ATP10A: variants seen among roughly 807,000 people sequenced by gnomAD.
The protein encoded by ATP10A is phospholipid-transporting ATPase VA.
In ATP10A, 111 loss-of-function variants were observed where a neutral mutation model predicts 147.8. The observed-to-expected ratio is 0.75, with a 90% CI of 0.64 to 0.88. The LOEUF (loss-of-function observed/expected upper bound fraction) is 0.88, where lower values mean the gene tolerates loss of function less well. Ranked by LOEUF, ATP10A falls within the 40% of genes least tolerant of loss-of-function variation. The pLI, the probability that ATP10A is intolerant of heterozygous loss-of-function variation, is 0.00. For missense variants in ATP10A, 1,927 were observed against 1,959.0 expected (o/e 0.98, Z 0.31); for synonymous variants, 875 against 841.6 (o/e 1.04, Z -0.69).
chr15:25,780,076 C>T (rs1349088408), intron 2 of ATP10A, among the ~76,000 whole-genome samples: 1 of 152,222 alleles, frequency 6.6e-6, no homozygotes, highest in East Asian at 1.9e-4. Context: ...CACAACCCTG[C>T]CCAGCCAATC....
In ATP10A at chr15:25,789,022, A is replaced by T. The variant is rs79254748; in HGVS notation, c.450-7799T>A. Among the ~76,000 whole-genome samples the T allele has an allele frequency of 6.3e-3, 952 of 152,230 alleles. 15 individuals are homozygous for T. The highest frequency in any genetic ancestry group is 0.03 in the East Asian group (153 of 5,180). On this transcript the variant is annotated intron_variant, in intron 1 of 20. Coordinates refer to ENST00000555815, the MANE Select transcript of ATP10A (RefSeq NM_024490.4). ...ATTCAGGCTGCAGTACAGGGCTGTG[A>T]TGATAGCTCACTGCAGCCTCCAACT...
At chr15:25,676,399 G>C (rs542825316), downstream of ATP10A, among the ~76,000 whole-genome samples, 40 of 152,332 alleles carry the variant, frequency 2.6e-4, no homozygotes, top group African/African-American at 9.4e-4. Context: ...CAGGGGAGAA[G>C]CTCTGCTTGT....
chr15:25,835,411 G>A (rs1284243213), intron 1 of ATP10A, among the ~76,000 whole-genome samples: 1 of 152,170 alleles, frequency 6.6e-6, no homozygotes, highest in Non-Finnish European at 1.5e-5. Flanking sequence ...CGTGAAGTGG[G>A]TCTCAATAAA....
chr15:25,708,088 T>G lies in ATP10A; in HGVS notation c.2463A>C (p.Glu821Asp). The part of the protein sequence containing the change: ...LCIAKRVLSK[E>D]EYACWLQSHL... ...GGCTTTGCAACCAGCAGGCATACTCTTCTTTACTCAGAACCTATGGGAGAT... is the reference window on the plus strand; with the variant it reads ...GGCTTTGCAACCAGCAGGCATACTCGTCTTTACTCAGAACCTATGGGAGAT... The change falls in exon 12 of 21, where the codon GAA becomes GAC. Residue 821 changes from glutamate (E) to aspartate (D), a missense_variant. Coordinates refer to ENST00000555815, the MANE Select transcript of ATP10A (RefSeq NM_024490.4). The G allele has an allele frequency of 6.2e-7, 1 of 1,614,112 alleles. No individual in the cohort carries two copies. Among genetic ancestry groups the G allele is most frequent in the Non-Finnish European group, 8.5e-7 (1 of 1,179,998 alleles).
intron 2 of ATP10A, among the ~76,000 whole-genome samples, chr15:25,748,883 C>G (rs1375771158): frequency 3.3e-5 from 5 of 150,380 alleles, no homozygotes; most frequent in Middle Eastern, 3.4e-3. Flanking sequence ...GGTGACACCC[C>G]ATAGCTACTA....
rs1254467120 is a variant in ATP10A at position 25,727,416 on chromosome 15, A to G, written c.741-150T>C. 1.1e-5 allele frequency: 7 copies of G among 649,262 alleles called. No homozygotes were observed. The East Asian group carries it at 1.4e-4, about 13-fold the overall frequency. 40.2% of individuals were successfully genotyped at this position (649,262 alleles called of 1,614,324 possible). A position where few individuals can be genotyped will look rare whatever the true frequency, so the allele number is the denominator to read the frequency against. Reference sequence around the variant, plus strand: ...GGGAAGGGTACAGGGGGCCCCCGAGAGTGGGTGGCTCGCCCTGTGGGTCTC... The same window carrying G: ...GGGAAGGGTACAGGGGGCCCCCGAGGGTGGGTGGCTCGCCCTGTGGGTCTC... On this transcript the variant is annotated intron_variant, in intron 3 of 20. Transcript: ENST00000555815.
intron 3 of ATP10A, among the ~76,000 whole-genome samples, chr15:25,730,549 C>A (rs1261593785): frequency 2.6e-5 from 4 of 152,080 alleles, no homozygotes; most frequent in Admixed American, 2.6e-4. Flanking sequence ...GTCCCCGATG[C>A]GTCCCCTACA....
chr15:25,750,621 TAAGA>T (rs1398007884), intron 2 of ATP10A, among the ~76,000 whole-genome samples: 1 of 152,128 alleles, frequency 6.6e-6, no homozygotes, highest in African/African-American at 2.4e-5. Context: ...CATGGGTAAG[TAAGA>T]CTTTTTCTTA....
At chr15:25,700,192 A>G (rs1567311096) in intron 13 of ATP10A, among the ~76,000 whole-genome samples, 1 of 152,222 alleles carries the variant, frequency 6.6e-6, no homozygotes, top group Non-Finnish European at 1.5e-5. Context: ...ATACCACTAC[A>G]CACCCATTAG....
chr15:25,682,923 C>T (rs1841187478), intron 17 of ATP10A, among the ~76,000 whole-genome samples: 2 of 152,194 alleles, frequency 1.3e-5, no homozygotes, highest in South Asian at 4.1e-4. Flanking sequence ...TTCAGTGGCT[C>T]AGTGGCTTCC....
At chr15:25,762,522 C>A (rs1276144899) in intron 2 of ATP10A, among the ~76,000 whole-genome samples, 1 of 152,156 alleles carries the variant, frequency 6.6e-6, no homozygotes, top group African/African-American at 2.4e-5. Flanking sequence ...CTCACGTGAT[C>A]CTCCCGTCTT....
intron 1 of ATP10A, among the ~76,000 whole-genome samples, chr15:25,858,767 G>A (rs1174238320): frequency 6.6e-6 from 1 of 152,110 alleles, no homozygotes; most frequent in African/African-American, 2.4e-5. Flanking sequence ...GAAGATTCAG[G>A]GAAAAGTCGC....
intron 2 of ATP10A, among the ~76,000 whole-genome samples, chr15:25,768,953 C>T (rs1245576260): frequency 6.6e-6 from 1 of 152,092 alleles, no homozygotes; most frequent in African/African-American, 2.4e-5. Flanking sequence ...GAAGGAAATG[C>T]TAAGAACTTT....
intron 1 of ATP10A, among the ~76,000 whole-genome samples, chr15:25,783,484 C>CT (rs397746379): frequency 1.4e-5 from 2 of 147,278 alleles, no homozygotes; most frequent in East Asian, 1.9e-4. Flanking sequence ...GGGACCCCCC[C>CT]CTGGCAAAGT....
chr15:25,721,807 A>T lies in ATP10A; in HGVS notation c.1213T>A (p.Ser405Thr), dbSNP rs202228602. 2.0e-4 allele frequency: 321 copies of T among 1,614,154 alleles called. 1 individual carries two copies. Among genetic ancestry groups the T allele is most frequent in the South Asian group, 2.6e-4 (24 of 91,084 alleles). ...DMQLYDEETD[S>T]QLQCRALNIT... The stretch of plus-strand genomic sequence containing the variant: ...TTCAGAGCTCGGCACTGCAGCTGCG[A>T]GTCTGTTTCTTCGTCATACAACTGC... Residue 405 changes from serine (S) to threonine (T), a missense_variant, in exon 7 of 21, where the codon TCG (serine) becomes ACG (threonine). Coordinates refer to ENST00000555815, the MANE Select transcript of ATP10A (RefSeq NM_024490.4).
chr15:25,718,404 G>T lies in ATP10A; in HGVS notation c.1364-5C>A, dbSNP rs1330290660. ...GGTACCTGGCCAGACGCTGCGCTGCGGGGAGAGGGCGCAGGGTGAGGCATC... is the reference window on the plus strand; with the variant it reads ...GGTACCTGGCCAGACGCTGCGCTGCTGGGAGAGGGCGCAGGGTGAGGCATC... On this transcript the variant is annotated splice_region_variant and splice_polypyrimidine_tract_variant and intron_variant, in intron 7 of 20. Transcript: ENST00000555815. 1 of 1,586,488 alleles carries T rather than the reference G, an allele frequency of 6.3e-7. No individual in the cohort carries two copies. The highest frequency in any genetic ancestry group is 8.5e-7 in the Non-Finnish European group (1 of 1,170,128).
intron 7 of ATP10A, among the ~76,000 whole-genome samples, chr15:25,719,980 C>G (rs80109026): frequency 6.6e-6 from 1 of 152,154 alleles, no homozygotes; most frequent in African/African-American, 2.4e-5. Context: ...GATCCAGGCA[C>G]TTCTCTAAAA....
At chr15:25,745,525 G>A (rs952700248) in intron 2 of ATP10A, among the ~76,000 whole-genome samples, 7 of 151,768 alleles carry the variant, frequency 4.6e-5, no homozygotes, top group African/African-American at 9.7e-5. Context: ...AGTTTGAGAT[G>A]AGCCTGGGCA....
intron 1 of ATP10A, among the ~76,000 whole-genome samples, chr15:25,837,520 C>T (rs1892647187): frequency 6.6e-6 from 1 of 152,134 alleles, no homozygotes; most frequent in South Asian, 2.1e-4. Context: ...AGACGGTAGT[C>T]ACAGGGCAGG....
Sources: allele counts gnomAD v4.1 joint callset (sites outside exome capture counted in the v4.1 genomes callset), GRCh38; gene constraint gnomAD v4.1.1; transcripts MANE v1.5; gene names NCBI Gene and HGNC (gene_info 2026-07-23, HGNC 2026-07-21).